The following RELN variants were observed in gnomAD, a reference collection of about 807,000 sequenced individuals.
The protein encoded by RELN is reelin.
Under a neutral mutation model 427.6 loss-of-function variants are expected in RELN, and 108 were observed. The ratio of observed to expected loss-of-function variants is 0.25; its 90% CI spans 0.22 to 0.30. RELN has a LOEUF of 0.30. Ranked by LOEUF, RELN falls within the 10% of genes least tolerant of loss-of-function variation. The pLI is 1.00. For synonymous variants in RELN, 1,524 were observed against 1,513.4 expected, an observed-to-expected ratio of 1.01 and a Z score of -0.16; for missense variants, 3,715 against 4,302.8, an observed-to-expected ratio of 0.86 and a Z score of 3.82.
At chr7:103,553,594 T>C (rs1454071950) in intron 39 of RELN, 31 bp from the exon 40 acceptor site, 2 of 1,612,872 alleles carry the variant, frequency 1.2e-6, no homozygotes, top group African/African-American at 2.7e-5. Flanking sequence ...CAGGAATCCA[T>C]TTAGGCAAAA....
chr7:103,665,663 A>G (rs1489167266), intron 11 of RELN, among the ~76,000 whole-genome samples: 1 of 151,968 alleles, frequency 6.6e-6, no homozygotes, highest in African/African-American at 2.4e-5. Flanking sequence ...GGTATTCTAA[A>G]ATTTTTCTGC....
At chr7:103,909,537 G>A (rs890379791) in intron 2 of RELN, among the ~76,000 whole-genome samples, 1 of 145,874 alleles carries the variant, frequency 6.9e-6, no homozygotes, top group South Asian at 2.1e-4. Context: ...AACCTGGGAG[G>A]TGGATGTTGT....
chr7:103,522,838 G>GACACACACACACACAGACAC (rs57364287), intron 47 of RELN, among the ~76,000 whole-genome samples: 2 of 149,708 alleles, frequency 1.3e-5, no homozygotes, highest in African/African-American at 2.5e-5. Context: ...CAGACACACA[G>GACACACACACACACAGACAC]ACACACACAC....
chr7:103,554,862 C>A (rs1054638466), intron 38 of RELN, among the ~76,000 whole-genome samples: 1 of 152,114 alleles, frequency 6.6e-6, no homozygotes, highest in East Asian at 1.9e-4. Flanking sequence ...ATTCAGGGAG[C>A]AATTCATGCT....
At chr7:103,495,039 TGCCCTA>T in intron 57 of RELN, among the ~76,000 whole-genome samples, 2 of 152,144 alleles carry the variant, frequency 1.3e-5, no homozygotes, top group Middle Eastern at 3.4e-3. Flanking sequence ...GTAGGCAGAG[TGCCCTA>T]TTTGAGCTTT....
chr7:103,652,251 C>CTTTTTT (rs554972597), intron 14 of RELN, among the ~76,000 whole-genome samples: 2 of 139,954 alleles, frequency 1.4e-5, no homozygotes, highest in Admixed American at 7.2e-5. Context: ...TTTTCAGTTG[C>CTTTTTT]TTTTTTTTTT....
intron 20 of RELN, among the ~76,000 whole-genome samples, chr7:103,623,528 T>A (rs547784566): frequency 1.3e-5 from 2 of 152,320 alleles, no homozygotes; most frequent in Admixed American, 6.5e-5. Flanking sequence ...AATATTGCAT[T>A]TAGGCACTAA....
rs947985398 is a variant in RELN at position 103,640,787 on chromosome 7, G to C, written c.2003-178C>G. On this transcript the variant is annotated intron_variant, in intron 16 of 64. Coordinates refer to ENST00000428762, the MANE Select transcript of RELN (RefSeq NM_005045.4). The surrounding 1 kb of genome is among the most constrained non-coding windows in gnomAD (Gnocchi z 4.1). ...GCTTAGTTACAAAGCTGCTGAAACA[G>C]TCACAAGTTATACAGATAATCCTTT... Among the ~76,000 whole-genome samples the C allele has an allele frequency of 6.6e-6, 1 of 152,176 alleles. No individual in the cohort carries two copies. Among genetic ancestry groups the C allele is most frequent in the Non-Finnish European group, 1.5e-5 (1 of 68,034 alleles).
chr7:103,709,126 T>C (rs1439536375), intron 8 of RELN, among the ~76,000 whole-genome samples: 1 of 152,092 alleles, frequency 6.6e-6, no homozygotes, highest in Non-Finnish European at 1.5e-5. Flanking sequence ...AATACAATAA[T>C]ACTATTATTA....
intron 8 of RELN, among the ~76,000 whole-genome samples, chr7:103,702,910 A>C (rs1834123272): frequency 6.6e-6 from 1 of 152,204 alleles, no homozygotes; most frequent in Non-Finnish European, 1.5e-5. Context: ...CCTTTGAGGA[A>C]AAAGCTGCAC....
chr7:103,571,660 G>A (rs1830884276), intron 31 of RELN, among the ~76,000 whole-genome samples: 1 of 152,150 alleles, frequency 6.6e-6, no homozygotes, highest in Non-Finnish European at 1.5e-5. Context: ...GAAATAAAAT[G>A]AATTAACACC....
rs188219486 is a variant in RELN at position 103,743,650 on chromosome 7, T to C, written c.656+5776A>G. 3.1e-3 allele frequency among the ~76,000 whole-genome samples: 470 copies of C among 152,024 alleles called. 2 individuals carry two copies. Among genetic ancestry groups the C allele is most frequent in the African/African-American group, 0.011 (449 of 41,450 alleles). On this transcript the variant is annotated intron_variant, in intron 6 of 64. Coordinates refer to ENST00000428762, the MANE Select transcript of RELN (RefSeq NM_005045.4). ...AAAACAGACTTTAAACCAACAAAGATCAAAAGAGACAAAGAAGGACGTTAC... is the reference window on the plus strand; with the variant it reads ...AAAACAGACTTTAAACCAACAAAGACCAAAAGAGACAAAGAAGGACGTTAC...
chr7:103,708,629 A>G (rs1252363256), intron 8 of RELN, among the ~76,000 whole-genome samples: 2 of 151,626 alleles, frequency 1.3e-5, no homozygotes, highest in Admixed American at 1.3e-4. Context: ...ACGCCCGGCT[A>G]ATTTTTTGTA....
intron 3 of RELN, among the ~76,000 whole-genome samples, chr7:103,791,259 TA>T (rs1792155037): frequency 6.6e-6 from 1 of 152,162 alleles, no homozygotes; most frequent in Non-Finnish European, 1.5e-5. Flanking sequence ...TAGCTAATTC[TA>T]AAATGTAAAT....
At chr7:103,619,355 G>A (rs185488374) in intron 20 of RELN, among the ~76,000 whole-genome samples, 49 of 152,174 alleles carry the variant, frequency 3.2e-4, no homozygotes, top group Admixed American at 9.8e-4. Context: ...GCTGTGGGAC[G>A]GGAGATTCTT....
chr7:103,507,035 A>G (rs1829237728), intron 51 of RELN, among the ~76,000 whole-genome samples: 2 of 152,236 alleles, frequency 1.3e-5, no homozygotes, highest in South Asian at 4.1e-4. Context: ...TTCATAAAGC[A>G]ACTTCTTAGA....
intron 51 of RELN, among the ~76,000 whole-genome samples, chr7:103,510,515 A>C (rs10225941): frequency 6.6e-6 from 1 of 152,144 alleles, no homozygotes; most frequent in African/African-American, 2.4e-5. Flanking sequence ...TAGCATTAGG[A>C]GAAATACCTA....
Position 103,620,416 on chromosome 7 carries a change from T to C in RELN, c.2703-8613A>G, listed in dbSNP as rs1258511312. Among the ~76,000 whole-genome samples the C allele has an allele frequency of 6.6e-6, 1 of 152,064 alleles. No homozygotes were observed. Among genetic ancestry groups the C allele is most frequent in the Non-Finnish European group, 1.5e-5 (1 of 68,016 alleles). On this transcript the variant is annotated intron_variant, in intron 20 of 64. Transcript: ENST00000428762. The surrounding 1 kb of genome is among the most constrained non-coding windows in gnomAD (Gnocchi z 4.1). Reference sequence around the variant, plus strand: ...AACTCCCTGACTCCTCTTTTTCTTATGTTGCATCCACATTATCTCCAGATT... The same window carrying C: ...AACTCCCTGACTCCTCTTTTTCTTACGTTGCATCCACATTATCTCCAGATT...
At chr7:103,628,532 T>G (rs2117329807) in intron 20 of RELN, among the ~76,000 whole-genome samples, 1 of 152,320 alleles carries the variant, frequency 6.6e-6, no homozygotes, top group East Asian at 1.9e-4. Context: ...TAGCTGTCAT[T>G]TTGATGCTAG....
Sources: gnomAD v4.1 joint callset for allele counts (sites outside exome capture counted in the v4.1 genomes callset) on GRCh38, gnomAD v4.1.1 for gene constraint, Gnocchi (gnomAD v3.1) non-coding constraint, MANE v1.5 for transcripts, NCBI Gene and HGNC (gene_info 2026-07-23, HGNC 2026-07-21) for gene names.